The following SERINC3 variants were observed in gnomAD, a reference collection of about 807,000 sequenced individuals.
SERINC3 encodes the protein tumor differentially expressed protein 1.
SERINC3 carries 22 observed loss-of-function variants against 52.1 expected under a neutral mutation model. That is an observed-to-expected ratio of 0.42 (90% CI 0.30 to 0.60). The LOEUF (loss-of-function observed/expected upper bound fraction) is 0.60. Among genes scored for constraint, SERINC3 ranks in the 20% least tolerant of loss-of-function variants. The pLI is 0.16. For missense variants in SERINC3, 564 were observed against 584.6 expected (o/e 0.96, Z 0.36); for synonymous variants, 226 against 212.7 (o/e 1.06, Z -0.54).
At chr20:44,518,517 T>TG (rs2064395050) in intron 1 of SERINC3, among the ~76,000 whole-genome samples, 1 of 152,206 alleles carries the variant, frequency 6.6e-6, no homozygotes, top group African/African-American at 2.4e-5. Flanking sequence ...TTTAAGATCA[T>TG]GAAGAAGCTG....
At chr20:44,506,493 G>A (rs1192949104) in intron 6 of SERINC3, among the ~76,000 whole-genome samples, 3 of 143,334 alleles carry the variant, frequency 2.1e-5, no homozygotes, top group African/African-American at 5.1e-5. Context: ...GGCTGAGGCA[G>A]AGAACTGCTT....
At chr20:44,519,332 G>A in intron 1 of SERINC3, 4 of 634,076 alleles carry the variant, frequency 6.3e-6, no homozygotes, top group Non-Finnish European at 7.9e-6. Context: ...AGCACTCTGG[G>A]AGGCCGGCGG....
chr20:44,497,405 A>C (rs1015641637), downstream of SERINC3: 9 of 152,244 alleles, frequency 5.9e-5, no homozygotes, highest in Non-Finnish European at 1.3e-4. Context: ...CGACTTTTAA[A>C]GAGCATTTGT....
Position 44,506,838 on chromosome 20 carries a change from G to A in SERINC3, c.772C>T (p.Pro258Ser), listed in dbSNP as rs1289163060. The stretch of plus-strand genomic sequence containing the variant: ...GTAAACAATCATACCTGAATTTTTG[G>A]GTGGATCGATATAATAGAAGCCACA... The part of the protein sequence containing the change: ...CVVASIISIH[P>S]KIQEHQPRSG... Residue 258 changes from proline (P) to serine (S), a missense_variant, in exon 6 of 10, where the codon CCA becomes TCA. By Grantham distance (74) the Pro-to-Ser change is moderately conservative. Transcript: ENST00000342374. 2 of 1,567,120 alleles carry A rather than the reference G, an allele frequency of 1.3e-6. No homozygotes were observed. Among genetic ancestry groups the A allele is most frequent in the Admixed American group, 3.9e-5 (2 of 51,646 alleles).
chr20:44,514,086 T>C (rs765156798), intron 1 of SERINC3, 46 bp from the exon 2 acceptor site: 43 of 1,579,092 alleles, frequency 2.7e-5, no homozygotes, highest in Non-Finnish European at 3.4e-5. Flanking sequence ...TTCAGTATAC[T>C]CCTTTATGAC....
At chr20:44,501,338 G>T (rs781521137) in intron 8 of SERINC3, 38 bp from the exon 9 acceptor site, 2 of 1,559,012 alleles carry the variant, frequency 1.3e-6, no homozygotes, top group South Asian at 1.1e-5. Flanking sequence ...TCAGAAAGGG[G>T]CCATGACAAT....
rs2064296314 is a variant in SERINC3, at chr20:44,504,014, G to T, written c.875-19C>A. On this transcript the variant is annotated intron_variant, in intron 7 of 9. Transcript: ENST00000342374. The stretch of plus-strand genomic sequence containing the variant: ...GAACGATCTGAAAATGAGAAAATTT[G>T]TATTATCCTTGGTTACAGCTCATCT... 1.3e-6 allele frequency: 2 copies of T among 1,567,872 alleles called. No homozygotes were observed. The highest frequency in any genetic ancestry group is 1.7e-6 in the Non-Finnish European group (2 of 1,165,186).
intron 5 of SERINC3, among the ~76,000 whole-genome samples, chr20:44,507,716 A>C (rs948611885): frequency 8.5e-5 from 13 of 152,186 alleles, no homozygotes; most frequent in African/African-American, 2.9e-4. Context: ...AAAAAATACA[A>C]AAATCAGCCA....
chr20:44,496,616 A>C (rs901908521), downstream of SERINC3, among the ~76,000 whole-genome samples: 1 of 152,168 alleles, frequency 6.6e-6, no homozygotes, highest in Non-Finnish European at 1.5e-5. Flanking sequence ...CAACATGGTG[A>C]AATCCCATCT....
At chr20:44,516,437 G>A (rs890705281) in intron 1 of SERINC3, among the ~76,000 whole-genome samples, 1 of 151,446 alleles carries the variant, frequency 6.6e-6, no homozygotes, top group Admixed American at 6.6e-5. Context: ...CTGTCTCCCA[G>A]GCTGGAGTGC....
At chr20:44,500,544 G>T in intron 9 of SERINC3, 110 bp from the exon 10 acceptor site, 1 of 1,240,644 alleles carries the variant, frequency 8.1e-7, no homozygotes, top group South Asian at 1.3e-5. Context: ...AACTTGGCTG[G>T]CACTACCCCC....
chr20:44,515,234 GCC>G (rs901498602), intron 1 of SERINC3, among the ~76,000 whole-genome samples: 2 of 152,152 alleles, frequency 1.3e-5, no homozygotes, highest in African/African-American at 4.8e-5. Flanking sequence ...CATGCCTGTG[GCC>G]CCAACTACTC....
At chr20:44,506,646 T>A (rs1398956226) in intron 6 of SERINC3, among the ~76,000 whole-genome samples, 181 bp downstream of exon 6, 7 of 148,810 alleles carry the variant, frequency 4.7e-5, no homozygotes, top group Non-Finnish European at 9.0e-5. Context: ...GGTTTTTTTT[T>A]AATGATAGTG....
chr20:44,506,669 T>C (rs2123044300), intron 6 of SERINC3, among the ~76,000 whole-genome samples, 158 bp downstream of exon 6: 1 of 149,952 alleles, frequency 6.7e-6, no homozygotes, highest in East Asian at 2.0e-4. Context: ...ATTCATTTAA[T>C]TATGATATAG....
At position 44,518,961 on chromosome 20, in the gene SERINC3, T is replaced by C. The variant is rs1330997241; in HGVS notation, c.39+2952A>G. 5.5e-5 allele frequency among the ~76,000 whole-genome samples: 8 copies of C among 146,458 alleles called. No homozygotes were observed. The East Asian group carries it at 1.2e-3, about 21-fold the overall frequency. On this transcript the variant is annotated intron_variant, in intron 1 of 9. Transcript: ENST00000342374. ...CCTGGGCAACAAGAGTGGAACTTGTTTTCTCAAAAACGAAAAAAAAAAAAA... is the reference window on the plus strand; with the variant it reads ...CCTGGGCAACAAGAGTGGAACTTGTCTTCTCAAAAACGAAAAAAAAAAAAA...
chr20:44,519,289 G>T, intron 1 of SERINC3: 1 of 202,998 alleles, frequency 4.9e-6, no homozygotes, highest in Non-Finnish European at 8.7e-6. Flanking sequence ...AGTAAAAGCC[G>T]GGCAAGACGC....
rs895502918 is a variant in SERINC3 at position 44,509,820 on chromosome 20, AATG to A, written c.613+68_613+70del. 3.3e-6 allele frequency: 5 copies of A among 1,512,994 alleles called. No homozygotes were observed. In the African/African-American group the frequency reaches 4.1e-5, roughly 12 times the overall value. The allele number at this position is 1,512,994 out of a possible 1,614,324, so 93.7% of individuals were successfully genotyped here. ...TGAGGACTATAGCTGCTGGGACTATAATGATGATTTTTATTGTACACCGTGCTT... is the reference window on the plus strand; with the variant it reads ...TGAGGACTATAGCTGCTGGGACTATAATGATTTTTATTGTACACCGTGCTT... On this transcript the variant is annotated intron_variant, in intron 5 of 9. Coordinates refer to ENST00000342374, the MANE Select transcript of SERINC3 (RefSeq NM_006811.4).
At position 44,513,526 on chromosome 20, in the gene SERINC3, G is replaced by A. The variant is rs1449896560; in HGVS notation, c.201+353C>T. Among the ~76,000 whole-genome samples the A allele has an allele frequency of 2.6e-5, 4 of 152,138 alleles. No homozygotes were observed. The East Asian group carries it at 7.7e-4, about 29-fold the overall frequency. On this transcript the variant is annotated intron_variant, in intron 2 of 9. Transcript: ENST00000342374. ...CTCTTCTTTGCCCTTTTAGGATGAA[G>A]AGGCTGTGTGCCACTTTCCTGTGAG...
chr20:44,500,402 T>G lies in SERINC3; in HGVS notation c.1316A>C (p.Lys439Thr). 1.9e-6 allele frequency: 3 copies of G among 1,582,316 alleles called. No homozygotes were observed. Among genetic ancestry groups the G allele is most frequent in the Non-Finnish European group, 2.6e-6 (3 of 1,163,402 alleles). ...PDAKFQSMTS[K>T]WPAVWVKISS... ...GATCTTGACCCACACAGCTGGCCAC[T>G]TGCTGGTCATGCTCTGAAACTTTGC... Residue 439 changes from lysine (K) to threonine (T), a missense_variant, in exon 10 of 10, where the codon AAG becomes ACG. Coordinates refer to ENST00000342374, the MANE Select transcript of SERINC3 (RefSeq NM_006811.4).
Sources: gnomAD v4.1 joint callset for allele counts (sites outside exome capture counted in the v4.1 genomes callset) on GRCh38, gnomAD v4.1.1 for gene constraint, MANE v1.5 for transcripts, NCBI Gene and HGNC (gene_info 2026-07-23, HGNC 2026-07-21) for gene names.